TEKT3: variants seen among roughly 807,000 people sequenced by gnomAD.
TEKT3 encodes tektin-3.
TEKT3 carries 49 observed loss-of-function variants against 49.8 expected under a neutral mutation model. That is an observed-to-expected ratio of 0.98 (90% confidence interval 0.78 to 1.25). The LOEUF is 1.25. Among genes scored for constraint, TEKT3 ranks in the 50% most tolerant of loss-of-function variants. The pLI is 0.00. For synonymous variants in TEKT3, 225 were observed against 237.2 expected, an observed-to-expected ratio of 0.95 and a Z score of 0.47; for missense variants, 595 against 629.5, an observed-to-expected ratio of 0.95 and a Z score of 0.59.
Position 15,312,496 on chromosome 17 carries a change from C to A in TEKT3, c.879-15G>T. 1 of 1,610,386 alleles carries A rather than the reference C, an allele frequency of 6.2e-7. No homozygotes were observed. The highest frequency in any genetic ancestry group is 8.5e-7 in the Non-Finnish European group (1 of 1,177,044). ...GCACTGAGACACTGAAAAAGAGAAGCAGAAGCAGACAACAGTGAGAGTGAT... is the reference window on the plus strand; with the variant it reads ...GCACTGAGACACTGAAAAAGAGAAGAAGAAGCAGACAACAGTGAGAGTGAT... On this transcript the variant is annotated splice_polypyrimidine_tract_variant and intron_variant, in intron 6 of 8. Coordinates refer to ENST00000395930, the MANE Select transcript of TEKT3 (RefSeq NM_031898.3).
At chr17:15,316,666 AGACAGCCC>A (rs1911026794) in intron 5 of TEKT3, among the ~76,000 whole-genome samples, 4 of 152,230 alleles carry the variant, frequency 2.6e-5, no homozygotes, top group Non-Finnish European at 4.4e-5. Flanking sequence ...CTTCAGCATC[AGACAGCCC>A]TGGTTCAAAT....
chr17:15,327,197 T>C (rs927323119), intron 4 of TEKT3, among the ~76,000 whole-genome samples: 4 of 151,202 alleles, frequency 2.6e-5, no homozygotes, highest in Non-Finnish European at 5.9e-5. Flanking sequence ...TGTAGAACAC[T>C]GCCTAACCAT....
At chr17:15,332,104 G>C (rs566984765) in intron 2 of TEKT3, among the ~76,000 whole-genome samples, 176 of 151,792 alleles carry the variant, frequency 1.2e-3, no homozygotes, top group Middle Eastern at 3.4e-3. Flanking sequence ...GCTTGAACCT[G>C]GTGGCGGGGG....
rs968315140 is a variant in TEKT3 at position 15,311,558 on chromosome 17, G to A, written c.1101+701C>T. ...AGTGTTTGAGAGGATGGATATGCTC[G>A]CTCATTACCCTGACCTGATCACCAT... On this transcript the variant is annotated intron_variant, in intron 7 of 8. Transcript: ENST00000395930. The A allele has an allele frequency of 7.9e-5, 12 of 152,140 alleles. No individual in the cohort carries two copies. The East Asian group carries it at 9.6e-4, about 12-fold the overall frequency. The allele number at this position is 152,140 out of a possible 1,614,324, so 9.4% of individuals were successfully genotyped here.
chr17:15,316,288 T>A (rs949736905), intron 5 of TEKT3, among the ~76,000 whole-genome samples: 5 of 152,322 alleles, frequency 3.3e-5, no homozygotes, highest in Admixed American at 6.5e-5. Context: ...GCATCTATTG[T>A]TACAGTTCAC....
Position 15,304,021 on chromosome 17 carries a change from G to A in TEKT3, c.1388C>T (p.Ala463Val). 6.2e-7 allele frequency: 1 copy of A among 1,614,126 alleles called. No homozygotes were observed. The highest frequency in any genetic ancestry group is 8.5e-7 in the Non-Finnish European group (1 of 1,180,022). ...TTCCTGGTCGATGTACAGGGAATTG[G>A]CTTTGACAGCCAGGTCATACTCGAG... is the stretch of plus-strand genomic sequence containing the variant. ...ATLEYDLAVK[A>V]NSLYIDQEKC... The change falls in exon 9 of 9, where the codon GCC (alanine) becomes GTC (valine). Residue 463 changes from alanine (A) to valine (V), a missense_variant. Transcript: ENST00000395930. This position sits in a 1 kb window ranked among gnomAD's most constrained non-coding sequence, Gnocchi z 4.7.
At chr17:15,318,589 C>T (rs1911119841) in intron 5 of TEKT3, among the ~76,000 whole-genome samples, 1 of 152,070 alleles carries the variant, frequency 6.6e-6, no homozygotes, top group South Asian at 2.1e-4. Flanking sequence ...GGCTGGAGTG[C>T]AGTAGCACAA....
chr17:15,321,057 C>T (rs1028027587), intron 4 of TEKT3, among the ~76,000 whole-genome samples: 8 of 150,804 alleles, frequency 5.3e-5, no homozygotes, highest in East Asian at 2.0e-4. Context: ...TCTCCCAGGC[C>T]GGAGTGCAGT....
intron 7 of TEKT3, 46 bp from the exon 8 acceptor site, chr17:15,308,864 T>A (rs771124834): frequency 6.3e-7 from 1 of 1,595,308 alleles, no homozygotes; most frequent in Admixed American, 1.7e-5. Flanking sequence ...TGTGGTCCCT[T>A]CAACAACCCG....
chr17:15,327,877 T>A, intron 4 of TEKT3, 115 bp downstream of exon 4: 2 of 823,308 alleles, frequency 2.4e-6, no homozygotes, highest in South Asian at 3.3e-5. Flanking sequence ...CAGCATCTGA[T>A]ACGATAATGC....
rs143037921 is a variant in TEKT3, at chr17:15,334,744, C to T, written c.-29-3130G>A. Among the ~76,000 whole-genome samples, 186 of 152,302 alleles carry T rather than the reference C, an allele frequency of 1.2e-3. 3 individuals carry two copies. The highest frequency in any genetic ancestry group is 3.7e-4 in the Non-Finnish European group (25 of 68,036). ...ATATGGAGAGAATATTTTACAGCCA[C>T]ACCTGAAGTTCTAGCTCCACCAGCC... On this transcript the variant is annotated intron_variant, in intron 2 of 8. Transcript: ENST00000395930.
intron 4 of TEKT3, among the ~76,000 whole-genome samples, chr17:15,323,031 T>G (rs1022846524): frequency 6.6e-6 from 1 of 152,140 alleles, no homozygotes; most frequent in Non-Finnish European, 1.5e-5. Context: ...ACAACCTGCT[T>G]AGAGGCAGAA....
intron 6 of TEKT3, among the ~76,000 whole-genome samples, chr17:15,313,435 G>A (rs760860563): frequency 4.6e-5 from 7 of 152,200 alleles, no homozygotes; most frequent in Non-Finnish European, 1.0e-4. Context: ...AAGGCATCAA[G>A]CTGTTTTCAG....
At chr17:15,306,139 A>G (rs760239733) in intron 8 of TEKT3, among the ~76,000 whole-genome samples, 2 of 151,034 alleles carry the variant, frequency 1.3e-5, no homozygotes, top group Non-Finnish European at 2.9e-5. Context: ...GCATATATAT[A>G]TACATAAAGA....
At chr17:15,326,359 A>T (rs758169912) in intron 4 of TEKT3, among the ~76,000 whole-genome samples, 2 of 152,194 alleles carry the variant, frequency 1.3e-5, no homozygotes, top group Non-Finnish European at 2.9e-5. Context: ...CAGGGAAATG[A>T]AGCTGAGAAA....
chr17:15,328,107 T>A, intron 3 of TEKT3, 32 bp from the exon 4 acceptor site: 1 of 1,586,096 alleles, frequency 6.3e-7, no homozygotes. Context: ...AAAGCACTAA[T>A]AAAAACTGAC....
rs1911708405 is a variant in TEKT3 at position 15,331,092 on chromosome 17, T to A, written c.494A>T (p.Asp165Val). The A allele has an allele frequency of 1.9e-6, 3 of 1,614,206 alleles. No individual in the cohort carries two copies. The highest frequency in any genetic ancestry group is 2.5e-6 in the Non-Finnish European group (3 of 1,180,032). The change falls in exon 3 of 9, where the codon GAT (aspartate) becomes GTT (valine). Residue 165 changes from aspartate to valine, a missense_variant. Physicochemically the swap from Asp to Val is radical, Grantham distance 152. Transcript: ENST00000395930. ...TGCATTTGTCTCTCCAATCATTTCA[T>A]CCAACTCATGAATGATTTCAGATTT... ...FWKSEIIHEL[D>V]EMIGETNALT...
intron 8 of TEKT3, among the ~76,000 whole-genome samples, chr17:15,306,629 T>C (rs1440857932): frequency 6.6e-6 from 1 of 152,078 alleles, no homozygotes; most frequent in Non-Finnish European, 1.5e-5. Context: ...TGTTTGATAA[T>C]TCCGAAGTCC....
intron 2 of TEKT3, among the ~76,000 whole-genome samples, chr17:15,334,863 T>C (rs779781386): frequency 3.3e-5 from 5 of 152,212 alleles, no homozygotes; most frequent in Non-Finnish European, 7.3e-5. Flanking sequence ...GGGCCATTAA[T>C]GGTCAAGAAA....
Sources: gnomAD v4.1 joint callset for allele counts (sites outside exome capture counted in the v4.1 genomes callset) on GRCh38, gnomAD v4.1.1 for gene constraint, Gnocchi (gnomAD v3.1) non-coding constraint, MANE v1.5 for transcripts, NCBI Gene and HGNC (gene_info 2026-07-23, HGNC 2026-07-21) for gene names.